Variants in RAP1GDS1 observed in about 807,000 individuals in gnomAD.
The protein encoded by RAP1GDS1 is RAP1, GTP-GDP dissociation stimulator 1.
A neutral mutation model predicts 71.1 loss-of-function variants in RAP1GDS1; 35 were observed. The ratio of observed to expected loss-of-function variants is 0.49; its 90% CI spans 0.38 to 0.65. RAP1GDS1 has a LOEUF of 0.65. Among genes scored for constraint, RAP1GDS1 ranks in the 30% least tolerant of loss-of-function variants. RAP1GDS1 has a pLI of 0.00. For missense variants in RAP1GDS1, 663 were observed against 706.1 expected (o/e 0.94, Z 0.69); for synonymous variants, 229 against 243.1 (o/e 0.94, Z 0.54).
intron 2 of RAP1GDS1, among the ~76,000 whole-genome samples, chr4:98,325,178 C>CAT (rs1332425686): frequency 6.6e-6 from 1 of 150,740 alleles, no homozygotes; most frequent in Admixed American, 6.6e-5. Flanking sequence ...AAAATGCTCA[C>CAT]CATCACTGGC....
chr4:98,321,628 G>C lies in RAP1GDS1; in HGVS notation c.113-21511G>C, dbSNP rs1460696336. ...GGGGCCAATATTCAACATTCTTAAA[G>C]AAAAGAATTTTCAACCCAGAATTTC... On this transcript the variant is annotated intron_variant, in intron 2 of 14. Coordinates refer to ENST00000408927, the MANE Select transcript of RAP1GDS1 (RefSeq NM_001100427.2). 7.3e-5 allele frequency among the ~76,000 whole-genome samples: 11 copies of C among 151,046 alleles called. No individual in the cohort carries two copies. The East Asian group carries it at 7.9e-4, about 11-fold the overall frequency.
At chr4:98,361,704 T>G (rs910385880) in intron 4 of RAP1GDS1, among the ~76,000 whole-genome samples, 3 of 152,184 alleles carry the variant, frequency 2.0e-5, no homozygotes, top group African/African-American at 4.8e-5. Context: ...GTGCCCTTGG[T>G]ACTAGTGCTT....
At chr4:98,427,950 T>G (rs766726196) in intron 12 of RAP1GDS1, among the ~76,000 whole-genome samples, 33 of 152,104 alleles carry the variant, frequency 2.2e-4, no homozygotes, top group Non-Finnish European at 3.2e-4. Flanking sequence ...TTACCTGATT[T>G]CAAAGTATAC....
intron 2 of RAP1GDS1, among the ~76,000 whole-genome samples, chr4:98,293,904 G>A (rs1177716459): frequency 6.6e-6 from 1 of 151,994 alleles, no homozygotes; most frequent in East Asian, 1.9e-4. Context: ...GAGAAACAGA[G>A]GGGGAGCTTA....
At chr4:98,329,359 C>CT (rs1733602313) in intron 2 of RAP1GDS1, among the ~76,000 whole-genome samples, 1 of 152,034 alleles carries the variant, frequency 6.6e-6, no homozygotes, top group South Asian at 2.1e-4. Flanking sequence ...GAAACATTAT[C>CT]TTTATCATTT....
intron 4 of RAP1GDS1, among the ~76,000 whole-genome samples, chr4:98,374,442 A>C (rs532644238): frequency 6.6e-6 from 1 of 152,286 alleles, no homozygotes; most frequent in Non-Finnish European, 1.5e-5. Context: ...CATTATCGTT[A>C]AAGTCCCTGT....
intron 6 of RAP1GDS1, 83 bp from the exon 7 acceptor site, chr4:98,404,394 G>C: frequency 1.5e-6 from 2 of 1,301,892 alleles, no homozygotes; most frequent in South Asian, 1.5e-5. Flanking sequence ...ATCAGTAATG[G>C]TACAAAATAA....
chr4:98,329,188 T>A (rs1157413408), intron 2 of RAP1GDS1, among the ~76,000 whole-genome samples: 1 of 152,228 alleles, frequency 6.6e-6, no homozygotes, highest in Non-Finnish European at 1.5e-5. Flanking sequence ...CACAAATAAT[T>A]TTTGAATTGG....
intron 2 of RAP1GDS1, chr4:98,297,018 CT>C (rs368390868): frequency 0.016 from 2,391 of 152,474 alleles, no homozygotes; most frequent in Middle Eastern, 0.097. Context: ...GCCTCGTTCT[CT>C]TTTTTTTTTT....
intron 2 of RAP1GDS1, among the ~76,000 whole-genome samples, chr4:98,325,931 A>AAT (rs398107709): frequency 6.7e-6 from 1 of 149,648 alleles, no homozygotes; most frequent in African/African-American, 2.5e-5. Flanking sequence ...AAAAAAAAAA[A>AAT]GATTCAGTGT....
intron 2 of RAP1GDS1, among the ~76,000 whole-genome samples, chr4:98,327,431 A>T (rs1733303466): frequency 6.6e-6 from 1 of 152,184 alleles, no homozygotes; most frequent in African/African-American, 2.4e-5. Context: ...TCTTTCCAGA[A>T]GTATTTTTTG....
At chr4:98,333,457 A>G (rs904335258) in intron 2 of RAP1GDS1, among the ~76,000 whole-genome samples, 1 of 152,082 alleles carries the variant, frequency 6.6e-6, no homozygotes, top group Non-Finnish European at 1.5e-5. Flanking sequence ...TTAAAAATAG[A>G]CCCAAACATA....
chr4:98,318,209 T>C (rs1335745999), intron 2 of RAP1GDS1, among the ~76,000 whole-genome samples: 2 of 152,158 alleles, frequency 1.3e-5, no homozygotes, highest in African/African-American at 4.8e-5. Context: ...TAGTCTAGCT[T>C]AGTCTCTTAA....
chr4:98,290,867 A>G (rs990743405), intron 1 of RAP1GDS1, among the ~76,000 whole-genome samples: 43 of 152,216 alleles, frequency 2.8e-4, no homozygotes, highest in African/African-American at 7.9e-4. Context: ...AGAGCATACC[A>G]TCCTAATATT....
At chr4:98,331,868 C>T (rs1029844552) in intron 2 of RAP1GDS1, among the ~76,000 whole-genome samples, 2 of 152,170 alleles carry the variant, frequency 1.3e-5, no homozygotes, top group Non-Finnish European at 2.9e-5. Flanking sequence ...GCACAGGTCA[C>T]TGTGAAATCA....
At chr4:98,439,008 G>C (rs1161797767) in intron 14 of RAP1GDS1, among the ~76,000 whole-genome samples, 1 of 152,108 alleles carries the variant, frequency 6.6e-6, no homozygotes, top group Admixed American at 6.6e-5. Flanking sequence ...AAAACTCTTT[G>C]AAAGAGAAGG....
At chr4:98,387,145 G>C (rs780313034) in intron 5 of RAP1GDS1, among the ~76,000 whole-genome samples, 4 of 152,052 alleles carry the variant, frequency 2.6e-5, no homozygotes, top group Non-Finnish European at 4.4e-5. Context: ...ATATATCTAC[G>C]TACTAATGTA....
intron 12 of RAP1GDS1, among the ~76,000 whole-genome samples, chr4:98,428,523 C>T (rs1351520802): frequency 6.6e-6 from 1 of 152,030 alleles, no homozygotes; most frequent in Non-Finnish European, 1.5e-5. Flanking sequence ...CTAATAATCC[C>T]ATCAGAAAAT....
At chr4:98,317,105 C>T (rs1288612781) in intron 2 of RAP1GDS1, among the ~76,000 whole-genome samples, 1 of 152,014 alleles carries the variant, frequency 6.6e-6, no homozygotes, top group Admixed American at 6.6e-5. Flanking sequence ...TTATTTCCCT[C>T]TTTGTTCCCC....
Sources: allele counts gnomAD v4.1 joint callset (sites outside exome capture counted in the v4.1 genomes callset), GRCh38; gene constraint gnomAD v4.1.1; transcripts MANE v1.5; gene names NCBI Gene and HGNC (gene_info 2026-07-23, HGNC 2026-07-21).